Variants in IGF1R observed in about 807,000 individuals in gnomAD.
IGF1R encodes insulin-like growth factor 1 receptor.
A neutral mutation model predicts 144.6 loss-of-function variants in IGF1R; 44 were observed. That is an observed-to-expected ratio of 0.30 (90% CI 0.24 to 0.39). The LOEUF is 0.39. IGF1R is among the 10% of genes least tolerant of loss of function. IGF1R has a pLI of 1.00. For synonymous variants in IGF1R, 795 were observed against 722.8 expected (o/e 1.10, Z -1.60); for missense variants, 1,355 against 1,833.7 (o/e 0.74, Z 4.77).
At chr15:98,741,891 ATTTG>A (rs1177788420) in intron 2 of IGF1R, among the ~76,000 whole-genome samples, 3 of 152,118 alleles carry the variant, frequency 2.0e-5, no homozygotes, top group Admixed American at 6.5e-5. Flanking sequence ...TTTCTATGTA[ATTTG>A]TTTGTGTTCG....
intron 2 of IGF1R, among the ~76,000 whole-genome samples, chr15:98,831,899 T>C (rs560287756): frequency 4.1e-4 from 63 of 152,246 alleles, no homozygotes; most frequent in Admixed American, 1.2e-3. Flanking sequence ...CAGGCCGTAG[T>C]GTTCCTCTTT....
intron 2 of IGF1R, among the ~76,000 whole-genome samples, chr15:98,850,088 TGTA>T (rs1335206703): frequency 6.6e-6 from 1 of 152,238 alleles, no homozygotes; most frequent in Non-Finnish European, 1.5e-5. Context: ...AGTTGTTCAT[TGTA>T]GTGTTTCAAA....
intron 20 of IGF1R, among the ~76,000 whole-genome samples, chr15:98,955,578 G>C (rs2016946455): frequency 6.6e-6 from 1 of 152,232 alleles, no homozygotes. Flanking sequence ...CCGGGCTCTA[G>C]AACGCTGAAT....
At chr15:98,864,019 A>G (rs561067477) in intron 2 of IGF1R, among the ~76,000 whole-genome samples, 6 of 152,260 alleles carry the variant, frequency 3.9e-5, no homozygotes, top group African/African-American at 1.4e-4. Context: ...GCACTTTGGG[A>G]GGCCATAGGC....
chr15:98,706,715 T>C (rs896705202), intron 1 of IGF1R, among the ~76,000 whole-genome samples: 1 of 152,178 alleles, frequency 6.6e-6, no homozygotes, highest in African/African-American at 2.4e-5. Context: ...TGTTTACAAA[T>C]GTCATTTTTG....
At chr15:98,919,307 A>G (rs1390219213) in intron 10 of IGF1R, among the ~76,000 whole-genome samples, 1 of 152,044 alleles carries the variant, frequency 6.6e-6, no homozygotes, top group Non-Finnish European at 1.5e-5. Flanking sequence ...ACACGGAAGG[A>G]TGGATTTAGA....
In IGF1R at chr15:98,704,180, T is replaced by G. The variant is rs532986184; in HGVS notation, c.95-3382T>G. ...AATGGTTCGTTGTATACAAACTTTG[T>G]TTCATGCACAAGATTATTAAAAATA... On this transcript the variant is annotated intron_variant, in intron 1 of 20. Transcript: ENST00000650285. The surrounding 1 kb of genome is among the most constrained non-coding windows in gnomAD (Gnocchi z 4.9). 3.3e-5 allele frequency among the ~76,000 whole-genome samples: 5 copies of G among 152,266 alleles called. No individual in the cohort carries two copies. The South Asian group carries it at 1.0e-3, about 32-fold the overall frequency.
chr15:98,669,621 G>A (rs536525266), intron 1 of IGF1R, among the ~76,000 whole-genome samples: 2 of 152,330 alleles, frequency 1.3e-5, no homozygotes, highest in East Asian at 3.9e-4. Context: ...TTGCTTCCAG[G>A]CTTGAGCAGT....
intron 2 of IGF1R, among the ~76,000 whole-genome samples, chr15:98,815,580 G>C (rs934793372): frequency 6.6e-6 from 1 of 152,234 alleles, no homozygotes; most frequent in African/African-American, 2.4e-5. Flanking sequence ...AAGAGGTTAG[G>C]TGTGGGGGGT....
At chr15:98,761,475 G>T (rs889155163) in intron 2 of IGF1R, among the ~76,000 whole-genome samples, 1 of 152,178 alleles carries the variant, frequency 6.6e-6, no homozygotes. Context: ...CAGAGGACAG[G>T]GCCAGGGATC....
chr15:98,914,995 G>A lies in IGF1R; in HGVS notation c.1829-969G>A, dbSNP rs2015181371. Among the ~76,000 whole-genome samples the A allele has an allele frequency of 2.6e-5, 4 of 152,212 alleles. No individual in the cohort carries two copies. The South Asian group carries it at 8.3e-4, about 32-fold the overall frequency. ...CCCTTAAAGATGTTCAGAACCTTGT[G>A]TGTATCGTATAACCTGGAGCACCCT... On this transcript the variant is annotated intron_variant, in intron 8 of 20. Coordinates refer to ENST00000650285, the MANE Select transcript of IGF1R (RefSeq NM_000875.5).
At chr15:98,848,132 A>T (rs1201981747) in intron 2 of IGF1R, among the ~76,000 whole-genome samples, 1 of 152,214 alleles carries the variant, frequency 6.6e-6, no homozygotes, top group African/African-American at 2.4e-5. Context: ...CTGAAAGAGG[A>T]TCTGAGCTGA....
Position 98,926,445 on chromosome 15 carries a change from G to C in IGF1R, c.2782+1761G>C, listed in dbSNP as rs751159046. On this transcript the variant is annotated intron_variant, in intron 13 of 20. Transcript: ENST00000650285. ...ATTCTTAAAAATTGCTGAGACAATAGATTTTAAGTGTTCTCACCACACACA... is the reference window on the plus strand; with the variant it reads ...ATTCTTAAAAATTGCTGAGACAATACATTTTAAGTGTTCTCACCACACACA... 4.6e-5 allele frequency among the ~76,000 whole-genome samples: 7 copies of C among 152,244 alleles called. No individual in the cohort carries two copies. In the South Asian group the frequency reaches 1.5e-3, roughly 32 times the overall value.
At chr15:98,676,263 G>A (rs1031445661) in intron 1 of IGF1R, among the ~76,000 whole-genome samples, 1 of 151,776 alleles carries the variant, frequency 6.6e-6, no homozygotes. Context: ...TCAACCTCTC[G>A]AGTAGCTGGG....
At chr15:98,670,642 C>T (rs2052864456) in intron 1 of IGF1R, among the ~76,000 whole-genome samples, 1 of 152,140 alleles carries the variant, frequency 6.6e-6, no homozygotes, top group Non-Finnish European at 1.5e-5. Context: ...GAAGACTGGT[C>T]CCAGGGGTTC....
chr15:98,896,342 C>G (rs963978498), intron 3 of IGF1R, among the ~76,000 whole-genome samples: 1 of 152,154 alleles, frequency 6.6e-6, no homozygotes, highest in African/African-American at 2.4e-5. Flanking sequence ...TCTCTCCTAG[C>G]GACTCCTCCA....
At chr15:98,828,643 C>A (rs892122377) in intron 2 of IGF1R, among the ~76,000 whole-genome samples, 2 of 152,128 alleles carry the variant, frequency 1.3e-5, no homozygotes, top group African/African-American at 4.8e-5. Context: ...GGTGTCTGCA[C>A]CCCAACTTCT....
At chr15:98,881,360 A>G (rs2013364516) in intron 2 of IGF1R, among the ~76,000 whole-genome samples, 2 of 152,218 alleles carry the variant, frequency 1.3e-5, no homozygotes, top group South Asian at 4.1e-4. Context: ...TCACTCTGTC[A>G]CCCAGGCTGG....
intron 2 of IGF1R, among the ~76,000 whole-genome samples, chr15:98,875,233 C>A (rs1316374362): frequency 1.3e-5 from 2 of 151,738 alleles, no homozygotes; most frequent in East Asian, 3.9e-4. Flanking sequence ...AAAAATGAAA[C>A]ATTTTCAGAT....
Sources: gnomAD v4.1 joint callset for allele counts (sites outside exome capture counted in the v4.1 genomes callset) on GRCh38, gnomAD v4.1.1 for gene constraint, Gnocchi (gnomAD v3.1) non-coding constraint, MANE v1.5 for transcripts, NCBI Gene and HGNC (gene_info 2026-07-23, HGNC 2026-07-21) for gene names.